The following NLGN1 variants were observed in gnomAD, a reference collection of about 807,000 sequenced individuals.
NLGN1 encodes neuroligin-1.
A neutral mutation model predicts 65.5 loss-of-function variants in NLGN1; 12 were observed. That is an observed-to-expected ratio of 0.18 (90% CI 0.12 to 0.30). The LOEUF is 0.30. Among genes scored for constraint, NLGN1 ranks in the 10% least tolerant of loss-of-function variants. NLGN1 has a pLI of 1.00. For synonymous variants in NLGN1, 350 were observed against 359.5 expected (o/e 0.97, Z 0.30); for missense variants, 750 against 1,007.1 (o/e 0.74, Z 3.46).
In NLGN1 at chr3:173,638,944, A is replaced by G. The variant is rs149852252; in HGVS notation, c.493+33853A>G. 3.3e-3 allele frequency among the ~76,000 whole-genome samples: 506 copies of G among 152,228 alleles called. 3 individuals are homozygous for G. Among genetic ancestry groups the G allele is most frequent in the African/African-American group, 0.012 (479 of 41,548 alleles). On this transcript the variant is annotated intron_variant, in intron 3 of 6. Transcript: ENST00000457714. ...AAATAAAGGAGTAGTATTTATGAAA[A>G]CAGAAAAAAAAGAGTTGAAACTTCA...
chr3:174,137,496 C>T (rs1721430677), intron 4 of NLGN1, among the ~76,000 whole-genome samples: 1 of 152,074 alleles, frequency 6.6e-6, no homozygotes, highest in Non-Finnish European at 1.5e-5. Flanking sequence ...AGTTTTTCAT[C>T]TTTTATATGA....
intron 1 of NLGN1, among the ~76,000 whole-genome samples, chr3:173,413,309 T>A (rs898051830): frequency 6.6e-6 from 1 of 152,252 alleles, no homozygotes; most frequent in Non-Finnish European, 1.5e-5. Flanking sequence ...ATTTTAAAAA[T>A]GAGACTTCTC....
chr3:174,237,912 C>G (rs941521262), intron 4 of NLGN1, among the ~76,000 whole-genome samples: 3 of 152,134 alleles, frequency 2.0e-5, no homozygotes, highest in Admixed American at 6.6e-5. Flanking sequence ...TCTGTAGCAC[C>G]TTTTCTATTG....
At chr3:173,516,303 T>C (rs1182120383) in intron 2 of NLGN1, among the ~76,000 whole-genome samples, 1 of 152,086 alleles carries the variant, frequency 6.6e-6, no homozygotes, top group East Asian at 1.9e-4. Flanking sequence ...CTGAAATCAA[T>C]ATGTCTAATC....
At chr3:173,867,101 C>A (rs911551775) in intron 4 of NLGN1, among the ~76,000 whole-genome samples, 18 of 152,032 alleles carry the variant, frequency 1.2e-4, no homozygotes, top group African/African-American at 4.3e-4. Flanking sequence ...GGATAATTTT[C>A]CTCATCAACT....
chr3:174,106,486 C>G (rs937043659), intron 4 of NLGN1, among the ~76,000 whole-genome samples: 8 of 151,916 alleles, frequency 5.3e-5, no homozygotes, highest in African/African-American at 1.9e-4. Context: ...ATTGTGTTCA[C>G]ATATTCAAAG....
chr3:173,482,265 G>A (rs13319465), intron 2 of NLGN1, among the ~76,000 whole-genome samples: 1,628 of 151,870 alleles, frequency 0.011, 28 homozygotes, highest in African/African-American at 0.038. Flanking sequence ...ATTACACTTT[G>A]ATACACCTAC....
intron 2 of NLGN1, among the ~76,000 whole-genome samples, chr3:173,510,928 T>A (rs1208291043): frequency 1.3e-5 from 2 of 152,200 alleles, no homozygotes; most frequent in Non-Finnish European, 2.9e-5. Flanking sequence ...GAGATTAAGG[T>A]TTTCCTTTTA....
rs543584185 is a variant in NLGN1 at position 174,042,328 on chromosome 3, G to C, written c.647-232987G>C. On this transcript the variant is annotated intron_variant, in intron 4 of 6. Transcript: ENST00000457714. Reference sequence around the variant, plus strand: ...TACAGGTATCCCCCTGCATTTTTCTGTAAAATATTTAGCGTTTCATATTTT... The same window carrying C: ...TACAGGTATCCCCCTGCATTTTTCTCTAAAATATTTAGCGTTTCATATTTT... Among the ~76,000 whole-genome samples the C allele has an allele frequency of 1.7e-3, 260 of 151,964 alleles. 2 individuals are homozygous for C. The highest frequency in any genetic ancestry group is 6.0e-3 in the African/African-American group (247 of 41,442).
intron 4 of NLGN1, among the ~76,000 whole-genome samples, chr3:174,155,737 T>C (rs1422658641): frequency 1.3e-5 from 2 of 151,790 alleles, no homozygotes; most frequent in Admixed American, 6.6e-5. Flanking sequence ...AATAAAGAAA[T>C]ATCGAAATGA....
exon 7 of NLGN1, chr3:174,283,102 C>T (rs1424740656): frequency 6.6e-6 from 1 of 151,030 alleles, no homozygotes; most frequent in Non-Finnish European, 1.5e-5. Flanking sequence ...ATGTTTATTG[C>T]TGTTTTGTCT....
intron 3 of NLGN1, among the ~76,000 whole-genome samples, chr3:173,749,807 G>A (rs1776065961): frequency 6.6e-6 from 1 of 152,026 alleles, no homozygotes; most frequent in Non-Finnish European, 1.5e-5. Context: ...GCAGAATGAA[G>A]TGCTCTTCCA....
chr3:173,998,731 G>A (rs577493527), intron 4 of NLGN1, among the ~76,000 whole-genome samples: 3 of 152,258 alleles, frequency 2.0e-5, no homozygotes, highest in African/African-American at 7.2e-5. Context: ...TCATGAGGGA[G>A]TCACTCCCTG....
At chr3:174,077,274 G>A (rs1013771805) in intron 4 of NLGN1, among the ~76,000 whole-genome samples, 1 of 151,762 alleles carries the variant, frequency 6.6e-6, no homozygotes, top group South Asian at 2.1e-4. Flanking sequence ...TACTTAGAAA[G>A]TAATGCTCCC....
chr3:173,546,752 T>A (rs1026874668), intron 2 of NLGN1, among the ~76,000 whole-genome samples: 44 of 152,200 alleles, frequency 2.9e-4, no homozygotes, highest in African/African-American at 9.9e-4. Flanking sequence ...CTGTCAAGAA[T>A]CATTCCTTTA....
intron 4 of NLGN1, among the ~76,000 whole-genome samples, chr3:173,866,494 T>C (rs1730196949): frequency 6.6e-6 from 1 of 152,246 alleles, no homozygotes; most frequent in African/African-American, 2.4e-5. Flanking sequence ...GAGAGACTAG[T>C]GATATTTTGT....
chr3:174,198,324 A>C (rs1343572299), intron 4 of NLGN1, among the ~76,000 whole-genome samples: 2 of 152,222 alleles, frequency 1.3e-5, no homozygotes, highest in Non-Finnish European at 2.9e-5. Flanking sequence ...GCTAGTGACT[A>C]TAGAGTTTGG....
intron 4 of NLGN1, among the ~76,000 whole-genome samples, chr3:173,970,505 G>T (rs1391067299): frequency 6.6e-6 from 1 of 152,034 alleles, no homozygotes; most frequent in African/African-American, 2.4e-5. Flanking sequence ...AGTAGGAAGG[G>T]ATGTGGAAGC....
chr3:173,490,595 A>G (rs1728956299), intron 2 of NLGN1, among the ~76,000 whole-genome samples: 1 of 152,192 alleles, frequency 6.6e-6, no homozygotes, highest in Admixed American at 6.5e-5. Context: ...GTGGTTCCAT[A>G]TGAACTTTAA....
Sources: gnomAD v4.1 joint callset for allele counts (sites outside exome capture counted in the v4.1 genomes callset) on GRCh38, gnomAD v4.1.1 for gene constraint, MANE v1.5 for transcripts, NCBI Gene and HGNC (gene_info 2026-07-23, HGNC 2026-07-21) for gene names.